The following HAUS3 variants were observed in gnomAD, a reference collection of about 807,000 sequenced individuals.
HAUS3 encodes HAUS augmin-like complex subunit 3.
Under a neutral mutation model 55.2 loss-of-function variants are expected in HAUS3, and 36 were observed. The observed-to-expected ratio is 0.65, with a 90% CI of 0.50 to 0.86. HAUS3 has a LOEUF of 0.86. Among genes scored for constraint, HAUS3 ranks in the 40% least tolerant of loss-of-function variants. The probability of loss-of-function intolerance (pLI) is 0.00; values close to 1 mark genes in which losing one functional copy is unlikely to be tolerated. For synonymous variants in HAUS3, 234 were observed against 238.6 expected (o/e 0.98, Z 0.18); for missense variants, 752 against 671.5 (o/e 1.12, Z -1.33).
intron 3 of HAUS3, among the ~76,000 whole-genome samples, chr4:2,239,606 C>G (rs1734897334): frequency 2.6e-5 from 4 of 152,166 alleles, no homozygotes. Flanking sequence ...CATATATTCT[C>G]AAAAAGAAAT....
chr4:2,234,979 G>A (rs1186481359), intron 5 of HAUS3, among the ~76,000 whole-genome samples: 1 of 152,126 alleles, frequency 6.6e-6, no homozygotes, highest in African/African-American at 2.4e-5. Flanking sequence ...TTTGCCTCCC[G>A]GGTTCAAGGG....
Position 2,240,963 on chromosome 4 carries a change from A to G in HAUS3, c.-17T>C, listed in dbSNP as rs1577806152. On this transcript the variant is annotated 5_prime_UTR_variant, in exon 3 of 6. Transcript: ENST00000443786. ...ACAACTCATGGTTTTAACTACCCCAATTTTGTTGTATCTGATATGGGTTTA... is the reference window on the plus strand; with the variant it reads ...ACAACTCATGGTTTTAACTACCCCAGTTTTGTTGTATCTGATATGGGTTTA... 5.1e-6 allele frequency: 8 copies of G among 1,565,144 alleles called. No homozygotes were observed. The highest frequency in any genetic ancestry group is 2.7e-5 in the African/African-American group (2 of 72,838).
At chr4:2,233,664 T>G (rs1734659378) in intron 5 of HAUS3, among the ~76,000 whole-genome samples, 1 of 152,230 alleles carries the variant, frequency 6.6e-6, no homozygotes, top group Admixed American at 6.5e-5. Context: ...CTTATTTTTT[T>G]CCTTTTAACA....
At chr4:2,234,032 T>G (rs145683387) in intron 5 of HAUS3, among the ~76,000 whole-genome samples, 2,101 of 152,174 alleles carry the variant, frequency 0.014, 30 homozygotes, top group Non-Finnish European at 0.021. Flanking sequence ...AAGATACATA[T>G]GATATTGTTC....
At position 2,235,097 on chromosome 4, in the gene HAUS3, G is replaced by A. The variant is rs544849732; in HGVS notation, c.1578+1131C>T. ...GATGGGGTTTCACCACCTTGGCCAG[G>A]CTGGTCTTGAACTCCTGACCTTGTG... On this transcript the variant is annotated intron_variant, in intron 5 of 5. Coordinates refer to ENST00000443786, the MANE Select transcript of HAUS3 (RefSeq NM_001303143.2). Among the ~76,000 whole-genome samples the A allele has an allele frequency of 5.9e-5, 9 of 152,320 alleles. No homozygotes were observed. In the East Asian group the frequency reaches 1.7e-3, roughly 29 times the overall value.
rs917255257 is a variant in HAUS3, at chr4:2,241,463, A to C, written c.-148+57T>G. Reference sequence around the variant, plus strand: ...GCAGCCTCTCTTCCCTGCCCTCCGTACGTAAGAAGACGCAAATAAGCATGG... The same window carrying C: ...GCAGCCTCTCTTCCCTGCCCTCCGTCCGTAAGAAGACGCAAATAAGCATGG... On this transcript the variant is annotated intron_variant, in intron 2 of 5. Transcript: ENST00000443786. The C allele has an allele frequency of 4.1e-6, 4 of 980,432 alleles. No individual in the cohort carries two copies. The African/African-American group carries it at 7.0e-5, about 17-fold the overall frequency. 60.7% of individuals were successfully genotyped at this position (980,432 alleles called of 1,614,324 possible). A position where few individuals can be genotyped will look rare whatever the true frequency, so the allele number is the denominator to read the frequency against.
intron 5 of HAUS3, among the ~76,000 whole-genome samples, chr4:2,235,728 C>T (rs1734736799): frequency 6.6e-6 from 1 of 152,020 alleles, no homozygotes; most frequent in Non-Finnish European, 1.5e-5. Flanking sequence ...ACATATAAAA[C>T]TAAATACACA....
In HAUS3 at chr4:2,240,831, A is replaced by G. The variant is rs1008261450; in HGVS notation, c.116T>C (p.Phe39Ser). The change falls in exon 3 of 6, where the codon TTT (phenylalanine) becomes TCT (serine). Residue 39 changes from phenylalanine to serine, a missense_variant. Transcript: ENST00000443786. ...WLFEGVEDESFLKWFCGNVNE... is the reference protein window; with the variant it reads ...WLFEGVEDESSLKWFCGNVNE... ...CACATTCCCACAAAACCACTTCAGA[A>G]ACGATTCATCTTCAACGCCCTCAAA... The G allele has an allele frequency of 4.3e-6, 7 of 1,613,802 alleles. No homozygotes were observed. The highest frequency in any genetic ancestry group is 5.9e-6 in the Non-Finnish European group (7 of 1,180,004).
chr4:2,234,546 G>A (rs1025583841), intron 5 of HAUS3: 2 of 153,330 alleles, frequency 1.3e-5, no homozygotes, highest in Non-Finnish European at 2.9e-5. Context: ...TTCTCCCAGG[G>A]TGGTAAACGG....
chr4:2,228,912 T>C lies in HAUS3; in HGVS notation c.*3015A>G. 2.1e-6 allele frequency: 1 copy of C among 468,308 alleles called. No homozygotes were observed. The highest frequency in any genetic ancestry group is 4.0e-5 in the Admixed American group (1 of 25,286). 29.0% of individuals were successfully genotyped at this position (468,308 alleles called of 1,614,324 possible). On this transcript the variant is annotated 3_prime_UTR_variant, in exon 6 of 6. Coordinates refer to ENST00000443786, the MANE Select transcript of HAUS3 (RefSeq NM_001303143.2). ...GAATAAGGAAGAGAGTGTTACATTT[T>C]TAAAGCAATGAAGGTTAAGGGAACA...
chr4:2,232,061 A>C lies in HAUS3; in HGVS notation c.1678T>G (p.Leu560Val), dbSNP rs757557291. ...ATTTGATGTAATTTATTATTTGCCA[A>C]AGTTTTTCTTTTTGTCTTCACATCA... Reference protein sequence around the residue: ...LADVKTKRKTLANNKLHQMER... With the variant: ...LADVKTKRKTVANNKLHQMER... Residue 560 changes from leucine (L) to valine (V), a missense_variant, in exon 6 of 6, where the codon TTG becomes GTG. Leu to Val is a conservative substitution (Grantham distance 32, BLOSUM62 1). Transcript: ENST00000443786. The C allele has an allele frequency of 3.2e-5, 51 of 1,589,614 alleles. No homozygotes were observed. Among genetic ancestry groups the C allele is most frequent in the Non-Finnish European group, 4.0e-5 (46 of 1,161,828 alleles).
At position 2,238,874 on chromosome 4, in the gene HAUS3, A is replaced by G. The variant is rs1373828922; in HGVS notation, c.1079T>C (p.Ile360Thr). Residue 360 changes from isoleucine to threonine, a missense_variant, in exon 4 of 6, where the codon ATT becomes ACT. Transcript: ENST00000443786. ...PVVKGDFDLQIAKQDYYTARQ... is the reference protein window; with the variant it reads ...PVVKGDFDLQTAKQDYYTARQ... ...TGCTGTATAATAATCTTGTTTAGCA[A>G]TCTGCAGATCAAAATCTCCCTTTAC... 1.2e-6 allele frequency: 2 copies of G among 1,613,234 alleles called. No homozygotes were observed. Among genetic ancestry groups the G allele is most frequent in the African/African-American group, 2.7e-5 (2 of 74,966 alleles).
rs1291748608 is a variant in HAUS3 at position 2,236,246 on chromosome 4, C to G, written c.1560G>C (p.Gln520His). The G allele has an allele frequency of 6.2e-7, 1 of 1,610,240 alleles. No homozygotes were observed. The highest frequency in any genetic ancestry group is 2.2e-5 in the East Asian group (1 of 44,828). Residue 520 changes from glutamine to histidine, a missense_variant, in exon 5 of 6, where the codon CAG (glutamine) becomes CAC (histidine). Physicochemically the swap from Gln to His is conservative, Grantham distance 24 (BLOSUM62 0). Transcript: ENST00000443786. ...TACCCACCTGATCACTAAGCAAAAG[C>G]TGATTTCCTCCTTGATACAAAGTAT... ...LCDTLYQGGN[Q>H]LLLSDQELTE...
At position 2,229,505 on chromosome 4, in the gene HAUS3, A is replaced by T. The variant is rs1388980241; in HGVS notation, c.*2422T>A. On this transcript the variant is annotated 3_prime_UTR_variant, in exon 6 of 6. Coordinates refer to ENST00000443786, the MANE Select transcript of HAUS3 (RefSeq NM_001303143.2). ...ATTTAGAAGCAATCTACTCAAATACATCCTGAGGTTTGAAAAATGTTATTA... is the reference window on the plus strand; with the variant it reads ...ATTTAGAAGCAATCTACTCAAATACTTCCTGAGGTTTGAAAAATGTTATTA... 1 of 259,166 alleles carries T rather than the reference A, an allele frequency of 3.9e-6. No homozygotes were observed. Among genetic ancestry groups the T allele is most frequent in the Non-Finnish European group, 7.2e-6 (1 of 138,042 alleles). 16.1% of individuals were successfully genotyped at this position (259,166 alleles called of 1,614,324 possible).
In HAUS3 at chr4:2,229,091, T is replaced by C; in HGVS notation, c.*2836A>G. Reference sequence around the variant, plus strand: ...CAAGAGAAAGAAAGGTTCATAAAAATTACTTACTCTCTGTACTCTTTCCCC... The same window carrying C: ...CAAGAGAAAGAAAGGTTCATAAAAACTACTTACTCTCTGTACTCTTTCCCC... On this transcript the variant is annotated 3_prime_UTR_variant, in exon 6 of 6. Coordinates refer to ENST00000443786, the MANE Select transcript of HAUS3 (RefSeq NM_001303143.2). 6.4e-7 allele frequency: 1 copy of C among 1,573,200 alleles called. No individual in the cohort carries two copies. Among genetic ancestry groups the C allele is most frequent in the Non-Finnish European group, 8.6e-7 (1 of 1,158,552 alleles).
Position 2,231,206 on chromosome 4 carries a change from C to G in HAUS3, c.*721G>C, listed in dbSNP as rs1435469990. On this transcript the variant is annotated 3_prime_UTR_variant, in exon 6 of 6. Coordinates refer to ENST00000443786, the MANE Select transcript of HAUS3 (RefSeq NM_001303143.2). ...TTATGGAGGAATACAATTTGAGCAGCAGAATTTTATTTGACAGTCAAACAT... is the reference window on the plus strand; with the variant it reads ...TTATGGAGGAATACAATTTGAGCAGGAGAATTTTATTTGACAGTCAAACAT... 2 of 152,188 alleles carry G rather than the reference C, an allele frequency of 1.3e-5. No homozygotes were observed. The highest frequency in any genetic ancestry group is 4.8e-5 in the African/African-American group (2 of 41,436). 9.4% of individuals were successfully genotyped at this position (152,188 alleles called of 1,614,324 possible).
intron 4 of HAUS3, 76 bp from the exon 5 acceptor site, chr4:2,236,532 T>C: frequency 9.9e-7 from 1 of 1,007,258 alleles, no homozygotes; most frequent in Non-Finnish European, 1.5e-6. Flanking sequence ...TCCACTGTAT[T>C]GGGGCATTTG....
At chr4:2,242,026 C>G in intron 1 of HAUS3, 25 bp downstream of exon 1, 2 of 985,596 alleles carry the variant, frequency 2.0e-6, no homozygotes, top group Non-Finnish European at 2.4e-6. Flanking sequence ...CCCCTGCGCC[C>G]AGAACCGAGG....
At chr4:2,232,693 CATCCTA>C (rs1734625983) in intron 5 of HAUS3, among the ~76,000 whole-genome samples, 1 of 152,062 alleles carries the variant, frequency 6.6e-6, no homozygotes, top group Non-Finnish European at 1.5e-5. Flanking sequence ...CCACGAAAAC[CATCCTA>C]ATCATATAAT....
Sources: gnomAD v4.1 joint callset for allele counts (sites outside exome capture counted in the v4.1 genomes callset) on GRCh38, gnomAD v4.1.1 for gene constraint, MANE v1.5 for transcripts, NCBI Gene and HGNC (gene_info 2026-07-23, HGNC 2026-07-21) for gene names.